Variants in ANKRD11 observed in about 807,000 individuals in gnomAD.
The protein encoded by ANKRD11 is ankyrin repeat domain 11.
Under a neutral mutation model 195.7 loss-of-function variants are expected in ANKRD11, and 17 were observed. The ratio of observed to expected loss-of-function variants is 0.09; its 90% CI spans 0.06 to 0.13. ANKRD11 has a LOEUF of 0.13. Ranked by LOEUF, ANKRD11 falls within the 10% of genes least tolerant of loss-of-function variation. The pLI is 1.00. For synonymous variants in ANKRD11, 1,953 were observed against 1,528.1 expected (o/e 1.28, Z -6.49); for missense variants, 3,735 against 3,566.1 (o/e 1.05, Z -1.21).
chr16:89,384,800 CCAA>C (rs1337952518), intron 2 of ANKRD11, among the ~76,000 whole-genome samples: 4 of 151,316 alleles, frequency 2.6e-5, no homozygotes, highest in East Asian at 1.9e-4. Context: ...ACTAGACAGC[CCAA>C]CAACAGAACC....
At chr16:89,417,915 G>A (rs935110805) in intron 2 of ANKRD11, among the ~76,000 whole-genome samples, 1 of 152,162 alleles carries the variant, frequency 6.6e-6, no homozygotes, top group Non-Finnish European at 1.5e-5. Flanking sequence ...AACACAACAT[G>A]CTCAGAGCAC....
intron 2 of ANKRD11, among the ~76,000 whole-genome samples, chr16:89,402,994 A>G (rs1272950748): frequency 6.6e-6 from 1 of 152,182 alleles, no homozygotes; most frequent in Non-Finnish European, 1.5e-5. Context: ...GAGCAAGGCC[A>G]GTCACCTCAG....
intron 12 of ANKRD11, chr16:89,270,016 G>A (rs2032997796): frequency 6.6e-6 from 1 of 152,532 alleles, no homozygotes; most frequent in Non-Finnish European, 1.5e-5. Context: ...GTGGCCTGGG[G>A]AGGGTGTGGT....
At position 89,282,949 on chromosome 16, in the gene ANKRD11, T is replaced by G; in HGVS notation, c.3593A>C (p.Lys1198Thr). The change falls in exon 9 of 13, where the codon AAA (lysine) becomes ACA (threonine). Residue 1198 changes from lysine to threonine, a missense_variant. By Grantham distance (78) the Lys-to-Thr change is moderately conservative. Coordinates refer to ENST00000301030, the MANE Select transcript of ANKRD11 (RefSeq NM_013275.6). ...CTTGTGCTTTTCAAAGACTTTCTCTTTTTTGTCTCTCCCCGCGTCGGCAGC... is the reference window on the plus strand; with the variant it reads ...CTTGTGCTTTTCAAAGACTTTCTCTGTTTTGTCTCTCCCCGCGTCGGCAGC... ...RGAADAGRDK[K>T]EKVFEKHKEK... 3 of 1,613,228 alleles carry G rather than the reference T, an allele frequency of 1.9e-6. No homozygotes were observed. The highest frequency in any genetic ancestry group is 2.5e-6 in the Non-Finnish European group (3 of 1,179,936).
At chr16:89,346,364 G>C (rs2038942124) in intron 2 of ANKRD11, among the ~76,000 whole-genome samples, 1 of 151,724 alleles carries the variant, frequency 6.6e-6, no homozygotes, top group Non-Finnish European at 1.5e-5. Context: ...CCCTAACCCA[G>C]ACTACAAGAC....
intron 1 of ANKRD11, among the ~76,000 whole-genome samples, chr16:89,466,152 A>G (rs1363663185): frequency 1.3e-5 from 2 of 152,230 alleles, no homozygotes; most frequent in Non-Finnish European, 2.9e-5. Flanking sequence ...CACACCAGGT[A>G]AACACCAGAG....
In ANKRD11 at chr16:89,279,982, G is replaced by A. The variant is rs202216051; in HGVS notation, c.6560C>T (p.Pro2187Leu). The change falls in exon 9 of 13, where the codon CCG becomes CTG. Residue 2187 changes from proline to leucine, a missense_variant. Transcript: ENST00000301030. This position sits in a 1 kb window ranked among gnomAD's most constrained non-coding sequence, Gnocchi z 5.6. ...GGCCTGGTCAGGAGGCAGTGCCGGC[G>A]GCTCCTCAGCCACTACGGTGGAAAC... Reference protein sequence around the residue: ...GDVSTVVAEEPPALPPDQAST... With the variant: ...GDVSTVVAEELPALPPDQAST... The A allele has an allele frequency of 1.6e-4, 251 of 1,611,338 alleles. 1 individual carries two copies. In the African/African-American group the frequency reaches 2.8e-3, roughly 18 times the overall value.
At chr16:89,378,702 C>A (rs975060287) in intron 2 of ANKRD11, among the ~76,000 whole-genome samples, 3 of 152,202 alleles carry the variant, frequency 2.0e-5, no homozygotes, top group African/African-American at 7.2e-5. Flanking sequence ...GTCTCAGCCT[C>A]CCGAGTAGCT....
chr16:89,452,198 C>G (rs1346619943), intron 1 of ANKRD11, among the ~76,000 whole-genome samples: 1 of 152,112 alleles, frequency 6.6e-6, no homozygotes, highest in South Asian at 2.1e-4. Flanking sequence ...GTGGAGGTTG[C>G]AGTAAGCCGA....
intron 1 of ANKRD11, among the ~76,000 whole-genome samples, chr16:89,435,253 G>C (rs1185550814): frequency 6.6e-6 from 1 of 151,994 alleles, no homozygotes; most frequent in Non-Finnish European, 1.5e-5. Flanking sequence ...TGTAAAAATG[G>C]ACCAATCAGC....
intron 1 of ANKRD11, 61 bp from the exon 2 acceptor site, chr16:89,418,429 C>CG (rs1409724308): frequency 7.3e-6 from 3 of 412,960 alleles, no homozygotes; most frequent in African/African-American, 4.1e-5. Context: ...GTTCTTTCAT[C>CG]GCTCTCGTCT....
chr16:89,293,088 G>A (rs917598831), intron 4 of ANKRD11, among the ~76,000 whole-genome samples: 5 of 152,138 alleles, frequency 3.3e-5, no homozygotes, highest in East Asian at 1.9e-4. Context: ...GCCCACAGTC[G>A]CCTGGAGAAG....
At chr16:89,477,346 C>T (rs1301186469) in intron 1 of ANKRD11, among the ~76,000 whole-genome samples, 1 of 151,826 alleles carries the variant, frequency 6.6e-6, no homozygotes, top group East Asian at 2.0e-4. Context: ...GCATGGGCCA[C>T]CACGCGTAAT....
At chr16:89,406,691 G>A (rs1233703333) in intron 2 of ANKRD11, among the ~76,000 whole-genome samples, 1 of 152,190 alleles carries the variant, frequency 6.6e-6, no homozygotes, top group African/African-American at 2.4e-5. Flanking sequence ...CCTGGAGGAA[G>A]GAAGGACAGA....
intron 2 of ANKRD11, among the ~76,000 whole-genome samples, chr16:89,394,284 C>T (rs1172738340): frequency 6.6e-6 from 1 of 152,220 alleles, no homozygotes; most frequent in Admixed American, 6.5e-5. Context: ...GTCCGCCTCT[C>T]CTCCACACCT....
In ANKRD11 at chr16:89,268,558, A is replaced by T. The variant is rs199868044; in HGVS notation, c.7912T>A (p.Ser2638Thr). 2.0e-6 allele frequency: 3 copies of T among 1,511,672 alleles called. No individual in the cohort carries two copies. The highest frequency in any genetic ancestry group is 2.8e-5 in the African/African-American group (2 of 72,092). 93.6% of individuals were successfully genotyped at this position (1,511,672 alleles called of 1,614,324 possible). Residue 2638 changes from serine to threonine, a missense_variant, in exon 13 of 13, where the codon TCC (serine) becomes ACC (threonine). Ser to Thr is a moderately conservative substitution (Grantham distance 58). Coordinates refer to ENST00000301030, the MANE Select transcript of ANKRD11 (RefSeq NM_013275.6). Reference protein sequence around the residue: ...VQELDPAGHKSLCVNEVPSFY... With the variant: ...VQELDPAGHKTLCVNEVPSFY... ...GAGGGCACCTCGTTCACGCACAGGG[A>T]CTTGTGCCCGGCGGGGTCCAGTTCC...
At chr16:89,460,110 C>T (rs1415442757) in intron 1 of ANKRD11, among the ~76,000 whole-genome samples, 1 of 150,358 alleles carries the variant, frequency 6.7e-6, no homozygotes, top group Non-Finnish European at 1.5e-5. Context: ...TGGTGGTGTG[C>T]GCCTGTAATC....
chr16:89,313,418 C>T (rs780495065), intron 3 of ANKRD11: 4 of 1,288,964 alleles, frequency 3.1e-6, no homozygotes, highest in South Asian at 2.5e-5. Context: ...GAGAGACCGT[C>T]TGCAGAAGGG....
At chr16:89,366,345 A>G (rs1020951457) in intron 2 of ANKRD11, among the ~76,000 whole-genome samples, 1 of 152,178 alleles carries the variant, frequency 6.6e-6, no homozygotes, top group Non-Finnish European at 1.5e-5. Context: ...GTATATACCC[A>G]GTAATGAGAC....
Sources: allele counts gnomAD v4.1 joint callset (sites outside exome capture counted in the v4.1 genomes callset), GRCh38; gene constraint gnomAD v4.1.1; non-coding constraint Gnocchi (gnomAD v3.1); transcripts MANE v1.5; gene names NCBI Gene and HGNC (gene_info 2026-07-23, HGNC 2026-07-21).